The following POU6F2 variants were observed in gnomAD, a reference collection of about 807,000 sequenced individuals.
The protein encoded by POU6F2 is POU domain, class 6, transcription factor 2.
A neutral mutation model predicts 71.3 loss-of-function variants in POU6F2; 31 were observed. The observed-to-expected ratio is 0.43, with a 90% CI of 0.33 to 0.59. The LOEUF is 0.59. POU6F2 is among the 20% of genes least tolerant of loss of function. The probability of loss-of-function intolerance (pLI) is 0.04; values close to 1 mark genes in which losing one functional copy is unlikely to be tolerated. For synonymous variants in POU6F2, 347 were observed against 355.7 expected (o/e 0.98, Z 0.27); for missense variants, 783 against 856.8 (o/e 0.91, Z 1.07).
intron 1 of POU6F2, among the ~76,000 whole-genome samples, chr7:38,992,701 A>AT (rs35956495): frequency 0.19 from 28,538 of 152,020 alleles, 2,872 homozygotes; most frequent in Middle Eastern, 0.26. Flanking sequence ...ATATTCTTCT[A>AT]TTTTTTTGCG....
At chr7:39,450,187 A>C (rs1457635173) in intron 7 of POU6F2, among the ~76,000 whole-genome samples, 4 of 152,210 alleles carry the variant, frequency 2.6e-5, no homozygotes, top group Non-Finnish European at 4.4e-5. Flanking sequence ...GAAACACCCC[A>C]GGCTGGCTCT....
chr7:39,050,489 A>C (rs1790382083), intron 1 of POU6F2, among the ~76,000 whole-genome samples: 1 of 152,162 alleles, frequency 6.6e-6, no homozygotes, highest in African/African-American at 2.4e-5. Context: ...CTGTGTGTAC[A>C]CATCACCTCC....
intron 2 of POU6F2, among the ~76,000 whole-genome samples, chr7:39,179,781 A>G (rs1793403233): frequency 6.6e-6 from 1 of 152,232 alleles, no homozygotes; most frequent in Non-Finnish European, 1.5e-5. Flanking sequence ...TCTACTGGAA[A>G]GTTCCCAGAG....
At chr7:39,269,632 G>C (rs754112004) in intron 4 of POU6F2, among the ~76,000 whole-genome samples, 1 of 152,164 alleles carries the variant, frequency 6.6e-6, no homozygotes, top group Non-Finnish European at 1.5e-5. Flanking sequence ...GCCTTCCCAG[G>C]TGCCTCTTTT....
intron 4 of POU6F2, among the ~76,000 whole-genome samples, chr7:39,207,978 G>A (rs1413808315): frequency 6.6e-6 from 1 of 152,164 alleles, no homozygotes; most frequent in Non-Finnish European, 1.5e-5. Context: ...ATTTAGCCAT[G>A]GGTAAAGAAA....
At chr7:39,082,313 T>A (rs1791137596) in intron 1 of POU6F2, among the ~76,000 whole-genome samples, 1 of 152,218 alleles carries the variant, frequency 6.6e-6, no homozygotes, top group Admixed American at 6.5e-5. Flanking sequence ...GCAATACTGT[T>A]CCATGGTGGA....
intron 2 of POU6F2, among the ~76,000 whole-genome samples, chr7:39,105,680 G>C (rs904720749): frequency 4.6e-5 from 7 of 152,196 alleles, no homozygotes; most frequent in South Asian, 2.1e-4. Context: ...GTTATTCTAA[G>C]TATGGACGTG....
intron 5 of POU6F2, among the ~76,000 whole-genome samples, chr7:39,353,849 C>A (rs758953469): frequency 6.6e-6 from 1 of 152,182 alleles, no homozygotes; most frequent in Non-Finnish European, 1.5e-5. Context: ...ATCTGAAAGA[C>A]CTGCCACAGC....
intron 7 of POU6F2, among the ~76,000 whole-genome samples, chr7:39,444,931 G>GA (rs577355781): frequency 5.3e-5 from 8 of 151,632 alleles, no homozygotes; most frequent in Non-Finnish European, 8.8e-5. Flanking sequence ...AAAATGAAAG[G>GA]AAAAAAAATC....
intron 1 of POU6F2, among the ~76,000 whole-genome samples, chr7:39,015,469 T>G (rs1260197581): frequency 8.3e-6 from 1 of 120,318 alleles, no homozygotes; most frequent in African/African-American, 3.2e-5. Flanking sequence ...TATATAGATA[T>G]ATTATATCTA....
At chr7:39,327,550 AG>A (rs1386021165) in intron 4 of POU6F2, among the ~76,000 whole-genome samples, 1 of 152,094 alleles carries the variant, frequency 6.6e-6, no homozygotes, top group Non-Finnish European at 1.5e-5. Context: ...GCTTGAGTCC[AG>A]GAGATCAAGG....
chr7:39,087,684 A>G (rs1449679015), intron 2 of POU6F2, among the ~76,000 whole-genome samples: 2 of 152,186 alleles, frequency 1.3e-5, no homozygotes, highest in African/African-American at 2.4e-5. Flanking sequence ...AAAGTAATCA[A>G]TTTTGAGTTC....
intron 1 of POU6F2, among the ~76,000 whole-genome samples, chr7:38,993,763 G>A (rs562426610): frequency 1.3e-5 from 2 of 152,016 alleles, no homozygotes; most frequent in Admixed American, 6.5e-5. Context: ...ATGCATCAAC[G>A]TAGCATTCCG....
At chr7:39,142,511 AAGGT>A (rs1792524699) in intron 2 of POU6F2, among the ~76,000 whole-genome samples, 1 of 152,216 alleles carries the variant, frequency 6.6e-6, no homozygotes, top group South Asian at 2.1e-4. Context: ...AAAGAAAAGA[AAGGT>A]AAGAGCTGCT....
intron 5 of POU6F2, 145 bp from the exon 6 acceptor site, chr7:39,406,455 T>C (rs1787429987): frequency 1.2e-6 from 1 of 864,988 alleles, no homozygotes; most frequent in African/African-American, 1.7e-5. Flanking sequence ...TCCGGGGGAA[T>C]GTTCGCCACG....
chr7:39,018,984 C>T (rs573842658), intron 1 of POU6F2, among the ~76,000 whole-genome samples: 12 of 152,236 alleles, frequency 7.9e-5, no homozygotes, highest in Admixed American at 5.9e-4. Flanking sequence ...TTTTCCAGGA[C>T]GATTGCATGA....
intron 1 of POU6F2, among the ~76,000 whole-genome samples, chr7:38,982,222 T>C (rs1440563931): frequency 6.6e-6 from 1 of 152,166 alleles, no homozygotes; most frequent in Non-Finnish European, 1.5e-5. Flanking sequence ...AAGTCATTTT[T>C]GTGGGTGTGA....
intron 4 of POU6F2, among the ~76,000 whole-genome samples, chr7:39,272,848 A>G (rs1277559179): frequency 1.3e-5 from 2 of 152,228 alleles, no homozygotes; most frequent in Non-Finnish European, 2.9e-5. Context: ...CACTTAGATT[A>G]TATTTACTGA....
chr7:38,995,711 C>A (rs1467856680), intron 1 of POU6F2, among the ~76,000 whole-genome samples: 1 of 152,184 alleles, frequency 6.6e-6, no homozygotes, highest in Non-Finnish European at 1.5e-5. Flanking sequence ...ATACCTTGCA[C>A]AACTTAGCTC....
Sources: allele counts gnomAD v4.1 joint callset (sites outside exome capture counted in the v4.1 genomes callset), GRCh38; gene constraint gnomAD v4.1.1; transcripts MANE v1.5; gene names NCBI Gene and HGNC (gene_info 2026-07-23, HGNC 2026-07-21).